The following EHD1 variants were observed in gnomAD, a reference collection of about 807,000 sequenced individuals.
EHD1 encodes EH domain containing 1.
Under a neutral mutation model 39.0 loss-of-function variants are expected in EHD1, and 19 were observed. That is an observed-to-expected ratio of 0.49 (90% CI 0.34 to 0.72). The LOEUF is 0.72. Ranked by LOEUF, EHD1 falls within the 30% of genes least tolerant of loss-of-function variation. EHD1 has a pLI of 0.01. For missense variants in EHD1, 542 were observed against 751.5 expected (o/e 0.72, Z 3.26); for synonymous variants, 323 against 331.2 (o/e 0.98, Z 0.27).
chr11:64,869,199 G>A (rs375806642), intron 2 of EHD1, among the ~76,000 whole-genome samples: 2 of 152,250 alleles, frequency 1.3e-5, no homozygotes, highest in African/African-American at 2.4e-5. Context: ...CCGCCAGTGC[G>A]CAGCCTGGGG....
chr11:64,874,872 G>C (rs1943868909), intron 1 of EHD1, among the ~76,000 whole-genome samples: 1 of 152,216 alleles, frequency 6.6e-6, no homozygotes, highest in African/African-American at 2.4e-5. Flanking sequence ...TCACGCTGGG[G>C]CGCTGAAATC....
chr11:64,856,975 A>G (rs2136476589), intron 3 of EHD1, among the ~76,000 whole-genome samples: 1 of 152,320 alleles, frequency 6.6e-6, no homozygotes, highest in South Asian at 2.1e-4. Flanking sequence ...TCTGCCCTGC[A>G]AGGAGAGAAA....
At chr11:64,855,658 G>A in intron 3 of EHD1, 172 bp from the exon 4 acceptor site, 1 of 903,440 alleles carries the variant, frequency 1.1e-6, no homozygotes, top group South Asian at 1.7e-5. Flanking sequence ...AGTCCTAGGA[G>A]CAGACACAAT....
chr11:64,864,997 C>T (rs1401117002), intron 2 of EHD1, among the ~76,000 whole-genome samples: 2 of 152,250 alleles, frequency 1.3e-5, no homozygotes, highest in South Asian at 2.1e-4. Context: ...AGAAGCCCTG[C>T]CCCACCTGCT....
chr11:64,875,979 A>G (rs932381372), intron 1 of EHD1, among the ~76,000 whole-genome samples: 22 of 152,200 alleles, frequency 1.4e-4, no homozygotes, highest in Admixed American at 7.9e-4. Flanking sequence ...GTGAGTTAAT[A>G]TCTATAGGAC....
Position 64,878,393 on chromosome 11 carries a change from C to T in EHD1, c.72G>A (p.Gly24=), listed in dbSNP as rs1236991039. 6.2e-7 allele frequency: 1 copy of T among 1,613,974 alleles called. No individual in the cohort carries two copies. The highest frequency in any genetic ancestry group is 8.5e-7 in the Non-Finnish European group (1 of 1,180,028). The change falls in exon 1 of 5, where the codon GGG becomes GGA. Residue 24 remains glycine, a synonymous_variant. Transcript: ENST00000320631. ...GCTTCTGCGCGTACAGCTGCCGCAG[C>T]CCCTCAGCCACCGTCTGGAAGAGCT... is the stretch of plus-strand genomic sequence containing the variant. ...EPELFQTVAE[G]LRQLYAQKLL...
At chr11:64,870,983 T>C (rs1414184033) in intron 2 of EHD1, among the ~76,000 whole-genome samples, 2 of 152,210 alleles carry the variant, frequency 1.3e-5, no homozygotes, top group Non-Finnish European at 2.9e-5. Context: ...TGACAGAGCC[T>C]GGCTGCATCC....
intron 2 of EHD1, among the ~76,000 whole-genome samples, chr11:64,871,519 CA>C (rs1943830910): frequency 6.6e-6 from 1 of 152,238 alleles, no homozygotes; most frequent in Non-Finnish European, 1.5e-5. Context: ...CACCATCATT[CA>C]AACCCTAACC....
chr11:64,873,608 G>T lies in EHD1; in HGVS notation c.502+813C>A, dbSNP rs549520497. 3.9e-5 allele frequency among the ~76,000 whole-genome samples: 6 copies of T among 152,164 alleles called. No homozygotes were observed. The East Asian group carries it at 1.2e-3, about 29-fold the overall frequency. Reference sequence around the variant, plus strand: ...GCCCAGGGAGCCAAGAAAGAAAGCAGCTCCCGCCCTCTCAGTGCACAGAGC... The same window carrying T: ...GCCCAGGGAGCCAAGAAAGAAAGCATCTCCCGCCCTCTCAGTGCACAGAGC... On this transcript the variant is annotated intron_variant, in intron 2 of 4. Coordinates refer to ENST00000320631, the MANE Select transcript of EHD1 (RefSeq NM_006795.4).
intron 2 of EHD1, among the ~76,000 whole-genome samples, chr11:64,869,375 A>T (rs1455290827): frequency 6.6e-6 from 1 of 152,184 alleles, no homozygotes; most frequent in African/African-American, 2.4e-5. Flanking sequence ...GGAGGCCTGG[A>T]GCTGGGAGCA....
chr11:64,878,119 C>A lies in EHD1; in HGVS notation c.346G>T (p.Val116Leu), dbSNP rs1274970504. 1 of 1,562,928 alleles carries A rather than the reference C, an allele frequency of 6.4e-7. No homozygotes were observed. Among genetic ancestry groups the A allele is most frequent in the East Asian group, 2.3e-5 (1 of 44,034 alleles). Residue 116 changes from valine to leucine, a missense_variant, in exon 1 of 5, where the codon GTG becomes TTG. Coordinates refer to ENST00000320631, the MANE Select transcript of EHD1 (RefSeq NM_006795.4). ...EGVVPGNALVVDPRRPFRKLN... is the reference protein window; with the variant it reads ...EGVVPGNALVLDPRRPFRKLN... The stretch of plus-strand genomic sequence containing the variant: ...TTGCGGAAGGGGCGCCGCGGGTCCA[C>A]CACGAGCGCGTTGCCCGGCACCACG...
intron 2 of EHD1, among the ~76,000 whole-genome samples, chr11:64,860,627 G>A (rs926561586): frequency 1.3e-5 from 2 of 151,168 alleles, no homozygotes; most frequent in South Asian, 2.1e-4. Context: ...GCTGAAGCAG[G>A]AGAATCGCTT....
intron 2 of EHD1, among the ~76,000 whole-genome samples, chr11:64,862,966 C>T (rs1026852090): frequency 2.0e-5 from 3 of 152,348 alleles, no homozygotes; most frequent in South Asian, 2.1e-4. Context: ...GAGTGACAGG[C>T]GGGCCATGTG....
chr11:64,878,706 TG>T, upstream of EHD1: 1 of 1,348,812 alleles, frequency 7.4e-7, no homozygotes, highest in East Asian at 3.0e-5. Context: ...AGGGCGGAAT[TG>T]GGGGCGGTAG....
rs780161304 is a variant in EHD1, at chr11:64,854,328, C to G, written c.*5G>C. ...TGCAAATGGCAGGTGCGGGGCCGGG[C>G]GCCATCACTCATGTCTGCGCTTGGA... On this transcript the variant is annotated 3_prime_UTR_variant, in exon 5 of 5. Coordinates refer to ENST00000320631, the MANE Select transcript of EHD1 (RefSeq NM_006795.4). The G allele has an allele frequency of 6.3e-7, 1 of 1,595,762 alleles. No homozygotes were observed. The highest frequency in any genetic ancestry group is 1.7e-5 in the Admixed American group (1 of 59,488).
chr11:64,877,869 G>A, intron 1 of EHD1, 192 bp downstream of exon 1: 1 of 476,526 alleles, frequency 2.1e-6, no homozygotes, highest in Non-Finnish European at 3.4e-6. Context: ...AGCCGACAAC[G>A]CCCACTCTTA....
chr11:64,878,870 A>G (rs1943922732), upstream of EHD1: 2 of 1,073,402 alleles, frequency 1.9e-6, no homozygotes, highest in African/African-American at 1.7e-5. Flanking sequence ...AGGCTCGCGA[A>G]AGTGCTGCGG....
chr11:64,862,065 T>C (rs565764074), intron 2 of EHD1, among the ~76,000 whole-genome samples: 4 of 152,220 alleles, frequency 2.6e-5, no homozygotes, highest in African/African-American at 7.2e-5. Flanking sequence ...TGTGCCACCA[T>C]GTCTGGCTAA....
upstream of EHD1, chr11:64,878,965 G>A: frequency 1.0e-6 from 1 of 1,004,456 alleles, no homozygotes; most frequent in Non-Finnish European, 1.2e-6. Flanking sequence ...ACACCCCCGC[G>A]GGATGGCTCC....
Sources: allele counts gnomAD v4.1 joint callset (sites outside exome capture counted in the v4.1 genomes callset), GRCh38; gene constraint gnomAD v4.1.1; transcripts MANE v1.5; gene names NCBI Gene and HGNC (gene_info 2026-07-23, HGNC 2026-07-21).